The following MITF variants were observed in gnomAD, a reference collection of about 807,000 sequenced individuals.
MITF encodes the protein melanocyte inducing transcription factor, also known as microphthalmia-associated transcription factor.
In MITF, 17 loss-of-function variants were observed where a neutral mutation model predicts 60.5. The ratio of observed to expected loss-of-function variants is 0.28; its 90% CI spans 0.19 to 0.42. The LOEUF is 0.42. Among genes scored for constraint, MITF ranks in the 10% least tolerant of loss-of-function variants. The pLI is 1.00. For synonymous variants in MITF, 260 were observed against 248.5 expected, an observed-to-expected ratio of 1.05 and a Z score of -0.43; for missense variants, 622 against 683.5, an observed-to-expected ratio of 0.91 and a Z score of 1.00.
intron 1 of MITF, among the ~76,000 whole-genome samples, chr3:69,828,215 TGACC>T (rs71775429): frequency 0.5 from 75,776 of 151,640 alleles, 20,583 homozygotes; most frequent in Non-Finnish European, 0.63. Context: ...TAAGGAGCTT[TGACC>T]GACCAGAGAT....
intron 1 of MITF, among the ~76,000 whole-genome samples, chr3:69,744,028 G>C (rs1247419533): frequency 6.6e-6 from 1 of 152,128 alleles, no homozygotes; most frequent in Admixed American, 6.5e-5. Flanking sequence ...TACATTTTCT[G>C]CAAATTAGAA....
At chr3:69,913,639 A>G (rs973082045) in intron 2 of MITF, among the ~76,000 whole-genome samples, 1 of 151,998 alleles carries the variant, frequency 6.6e-6, no homozygotes, top group Non-Finnish European at 1.5e-5. Context: ...GGTGCAGTCT[A>G]CTCTTTTCAG....
At chr3:69,962,551 C>T (rs993654483) in intron 9 of MITF, among the ~76,000 whole-genome samples, 1 of 152,118 alleles carries the variant, frequency 6.6e-6, no homozygotes, top group African/African-American at 2.4e-5. Context: ...GTTGAGAGGC[C>T]ATGTCATATG....
intron 2 of MITF, among the ~76,000 whole-genome samples, chr3:69,880,619 C>G (rs1359579660): frequency 6.6e-6 from 1 of 151,968 alleles, no homozygotes; most frequent in African/African-American, 2.4e-5. Flanking sequence ...GGTTTTCTCT[C>G]TGGAGTAGAT....
At chr3:69,944,104 A>G (rs2066035701) in intron 5 of MITF, among the ~76,000 whole-genome samples, 1 of 152,286 alleles carries the variant, frequency 6.6e-6, no homozygotes, top group East Asian at 1.9e-4. Context: ...TAGAAAACAC[A>G]TTTAAAAATA....
chr3:69,787,911 G>T (rs2062676525), intron 1 of MITF, among the ~76,000 whole-genome samples: 3 of 152,186 alleles, frequency 2.0e-5, no homozygotes. Flanking sequence ...CTGACTGTGT[G>T]CTGGGTAAGC....
intron 1 of MITF, among the ~76,000 whole-genome samples, chr3:69,875,389 G>A (rs146443871): frequency 1.2e-3 from 178 of 152,262 alleles, no homozygotes; most frequent in Non-Finnish European, 1.9e-3. Flanking sequence ...ATTTTAAGGC[G>A]TCTCAGAAGA....
intron 5 of MITF, among the ~76,000 whole-genome samples, chr3:69,943,245 A>C (rs2066013215): frequency 6.6e-6 from 1 of 151,916 alleles, no homozygotes; most frequent in Admixed American, 6.6e-5. Context: ...CAAAAAAATC[A>C]AGGCATCCAG....
At chr3:69,759,537 G>C (rs2062179923) in intron 1 of MITF, among the ~76,000 whole-genome samples, 1 of 152,210 alleles carries the variant, frequency 6.6e-6, no homozygotes, top group Non-Finnish European at 1.5e-5. Context: ...AAAACTCTGA[G>C]AATGTTGATT....
chr3:69,782,158 G>A (rs78150426), intron 1 of MITF, among the ~76,000 whole-genome samples: 1,646 of 152,300 alleles, frequency 0.011, 30 homozygotes, highest in African/African-American at 0.037. Flanking sequence ...CAGAGGCCCT[G>A]CCCTATAAGA....
chr3:69,800,107 G>A (rs999359902), intron 1 of MITF, among the ~76,000 whole-genome samples: 1 of 152,026 alleles, frequency 6.6e-6, no homozygotes, highest in South Asian at 2.1e-4. Flanking sequence ...TTAGCAGTTA[G>A]TCCCAACTCC....
At chr3:69,818,030 G>A (rs373115094) in intron 1 of MITF, among the ~76,000 whole-genome samples, 1 of 152,130 alleles carries the variant, frequency 6.6e-6, no homozygotes, top group Non-Finnish European at 1.5e-5. Context: ...TTTTATCAGC[G>A]ATAAACTTCA....
intron 1 of MITF, among the ~76,000 whole-genome samples, chr3:69,745,503 G>A (rs1703689237): frequency 6.6e-6 from 1 of 152,316 alleles, no homozygotes; most frequent in South Asian, 2.1e-4. Flanking sequence ...GGGTGTTTGA[G>A]TTTGGCCTTA....
chr3:69,796,021 G>A (rs971304851), intron 1 of MITF, among the ~76,000 whole-genome samples: 4 of 152,068 alleles, frequency 2.6e-5, no homozygotes, highest in Non-Finnish European at 5.9e-5. Context: ...GCGCTCAGTC[G>A]CCCAGGCTGG....
At chr3:69,834,103 G>T (rs922742301) in intron 1 of MITF, among the ~76,000 whole-genome samples, 1 of 152,168 alleles carries the variant, frequency 6.6e-6, no homozygotes, top group African/African-American at 2.4e-5. Flanking sequence ...GTTGCATAAT[G>T]ATCAAATCAG....
At chr3:69,803,247 A>G (rs1263624835) in intron 1 of MITF, among the ~76,000 whole-genome samples, 1 of 152,232 alleles carries the variant, frequency 6.6e-6, no homozygotes, top group African/African-American at 2.4e-5. Flanking sequence ...TTGTTCATTT[A>G]TTCATTGACT....
At chr3:69,828,477 A>T (rs1252945825) in intron 1 of MITF, among the ~76,000 whole-genome samples, 4 of 152,160 alleles carry the variant, frequency 2.6e-5, no homozygotes, top group Non-Finnish European at 5.9e-5. Context: ...AAAGGAAACC[A>T]CTTGTTACCT....
intron 7 of MITF, among the ~76,000 whole-genome samples, chr3:69,953,658 TATATAGAG>T (rs1243600758): frequency 2.2e-5 from 3 of 137,630 alleles, no homozygotes; most frequent in African/African-American, 7.9e-5. Flanking sequence ...TATATATATA[TATATAGAG>T]AGAGAGAGAG....
intron 1 of MITF, among the ~76,000 whole-genome samples, chr3:69,773,929 C>A (rs1490155337): frequency 2.6e-5 from 4 of 152,108 alleles, no homozygotes. Flanking sequence ...TAAGACACAG[C>A]GTCTTAAGGA....
Sources: allele counts gnomAD v4.1 joint callset (sites outside exome capture counted in the v4.1 genomes callset), GRCh38; gene constraint gnomAD v4.1.1; transcripts MANE v1.5; gene names NCBI Gene and HGNC (gene_info 2026-07-23, HGNC 2026-07-21).